The following OSBPL8 variants were observed in gnomAD, a reference collection of about 807,000 sequenced individuals.
The protein encoded by OSBPL8 is oxysterol-binding protein-related protein 8.
Under a neutral mutation model 125.5 loss-of-function variants are expected in OSBPL8, and 59 were observed. That is an observed-to-expected ratio of 0.47 (90% CI 0.38 to 0.58). OSBPL8 has a LOEUF of 0.58. Ranked by LOEUF, OSBPL8 falls within the 20% of genes least tolerant of loss-of-function variation. OSBPL8 has a pLI of 0.00. For synonymous variants in OSBPL8, 330 were observed against 338.9 expected (o/e 0.97, Z 0.29); for missense variants, 758 against 1,047.8 (o/e 0.72, Z 3.82).
chr12:76,391,873 C>G (rs1466303073), intron 10 of OSBPL8, among the ~76,000 whole-genome samples: 1 of 151,992 alleles, frequency 6.6e-6, no homozygotes, highest in Non-Finnish European at 1.5e-5. Flanking sequence ...AGCAGTCTAA[C>G]TTTGAGAAGA....
intron 1 of OSBPL8, among the ~76,000 whole-genome samples, chr12:76,507,647 C>A (rs1880544647): frequency 6.6e-6 from 1 of 151,192 alleles, no homozygotes; most frequent in Non-Finnish European, 1.5e-5. Context: ...TGGTGAAACC[C>A]CATCTCTTCC....
intron 2 of OSBPL8, among the ~76,000 whole-genome samples, chr12:76,461,543 C>T (rs1192645956): frequency 4.0e-5 from 6 of 151,206 alleles, no homozygotes; most frequent in East Asian, 3.9e-4. Flanking sequence ...CTCCACCTCC[C>T]GGGTTCAAGC....
At chr12:76,417,773 A>G (rs1384383107) in intron 4 of OSBPL8, among the ~76,000 whole-genome samples, 4 of 152,184 alleles carry the variant, frequency 2.6e-5, no homozygotes, top group African/African-American at 9.6e-5. Context: ...TAAAAACCGT[A>G]AACAGAGCTT....
intron 6 of OSBPL8, among the ~76,000 whole-genome samples, chr12:76,402,026 C>T (rs545180444): frequency 2.6e-5 from 4 of 152,276 alleles, no homozygotes; most frequent in African/African-American, 9.6e-5. Flanking sequence ...AGACATAATA[C>T]AATTTTAATA....
At chr12:76,457,742 TTAAG>T (rs543627530) in intron 3 of OSBPL8, among the ~76,000 whole-genome samples, 86 of 152,272 alleles carry the variant, frequency 5.6e-4, no homozygotes, top group Non-Finnish European at 1.0e-3. Flanking sequence ...ATATATAACC[TTAAG>T]TAAATTTCTT....
intron 1 of OSBPL8, among the ~76,000 whole-genome samples, chr12:76,528,966 C>G (rs1451482925): frequency 6.6e-6 from 1 of 152,118 alleles, no homozygotes; most frequent in Non-Finnish European, 1.5e-5. Context: ...CAGAATTAAC[C>G]AAGGATACCA....
At chr12:76,487,979 C>T (rs1878333868) in intron 1 of OSBPL8, among the ~76,000 whole-genome samples, 1 of 152,108 alleles carries the variant, frequency 6.6e-6, no homozygotes, top group Admixed American at 6.5e-5. Flanking sequence ...TGTGGGGAAA[C>T]AGATATTCTC....
intron 15 of OSBPL8, among the ~76,000 whole-genome samples, chr12:76,383,519 C>T (rs1432671970): frequency 1.3e-5 from 2 of 152,120 alleles, no homozygotes; most frequent in African/African-American, 2.4e-5. Flanking sequence ...CTGTTGCAGA[C>T]TGAACTATGG....
intron 10 of OSBPL8, among the ~76,000 whole-genome samples, chr12:76,391,527 G>C (rs1270766997): frequency 1.3e-5 from 2 of 151,894 alleles, no homozygotes; most frequent in Non-Finnish European, 2.9e-5. Flanking sequence ...ATTTTAAAGA[G>C]AGTGGGGGAA....
At chr12:76,550,480 G>A (rs1202622051) in intron 1 of OSBPL8, among the ~76,000 whole-genome samples, 1 of 152,154 alleles carries the variant, frequency 6.6e-6, no homozygotes, top group Admixed American at 6.6e-5. Flanking sequence ...ACGTGTATTT[G>A]TTTAGGCCAG....
intron 1 of OSBPL8, among the ~76,000 whole-genome samples, chr12:76,546,526 C>T (rs1010600824): frequency 6.6e-6 from 1 of 151,838 alleles, no homozygotes; most frequent in Admixed American, 6.6e-5. Flanking sequence ...TAAGGTATTG[C>T]TGACATATAA....
chr12:76,366,246 C>G (rs1293630832), intron 21 of OSBPL8, among the ~76,000 whole-genome samples: 1 of 152,180 alleles, frequency 6.6e-6, no homozygotes, highest in Non-Finnish European at 1.5e-5. Flanking sequence ...CTGATTCAAT[C>G]TCTTTATTGT....
intron 5 of OSBPL8, among the ~76,000 whole-genome samples, chr12:76,407,820 A>G (rs1480771967): frequency 6.6e-6 from 1 of 152,066 alleles, no homozygotes; most frequent in Non-Finnish European, 1.5e-5. Context: ...CTGGGAGGTA[A>G]GATCTTACCT....
intron 1 of OSBPL8, among the ~76,000 whole-genome samples, chr12:76,523,545 A>G (rs1950080330): frequency 6.6e-6 from 1 of 152,210 alleles, no homozygotes; most frequent in Admixed American, 6.5e-5. Flanking sequence ...ACATGTGGAG[A>G]TAGGGCCTTG....
At chr12:76,431,820 T>G (rs183399169) in intron 4 of OSBPL8, among the ~76,000 whole-genome samples, 9 of 152,290 alleles carry the variant, frequency 5.9e-5, no homozygotes, top group African/African-American at 2.2e-4. Flanking sequence ...ACTCCACTTT[T>G]TTTTAGTGGA....
chr12:76,498,299 C>A (rs1879492186), intron 1 of OSBPL8, among the ~76,000 whole-genome samples: 1 of 152,118 alleles, frequency 6.6e-6, no homozygotes, highest in Admixed American at 6.5e-5. Context: ...GATTCTGGTC[C>A]TTTTTCTAGC....
At chr12:76,554,404 G>A (rs758684721) in intron 1 of OSBPL8, among the ~76,000 whole-genome samples, 22 of 152,166 alleles carry the variant, frequency 1.4e-4, no homozygotes, top group Non-Finnish European at 2.8e-4. Context: ...ATGGTTAAAA[G>A]GATAGGCTCC....
intron 2 of OSBPL8, among the ~76,000 whole-genome samples, chr12:76,478,804 G>C (rs1877115673): frequency 1.3e-5 from 2 of 152,162 alleles, no homozygotes; most frequent in African/African-American, 4.8e-5. Flanking sequence ...AAGTGTAACA[G>C]GCCGGGCACA....
chr12:76,453,838 A>G (rs1873704845), intron 3 of OSBPL8, among the ~76,000 whole-genome samples: 2 of 152,192 alleles, frequency 1.3e-5, no homozygotes, highest in Admixed American at 1.3e-4. Context: ...TTAAAAAAAA[A>G]CTTCAATAAA....
Sources: gnomAD v4.1 joint callset for allele counts (sites outside exome capture counted in the v4.1 genomes callset) on GRCh38, gnomAD v4.1.1 for gene constraint, MANE v1.5 for transcripts, NCBI Gene and HGNC (gene_info 2026-07-23, HGNC 2026-07-21) for gene names.